The following FBXL2 variants were observed in gnomAD, a reference collection of about 807,000 sequenced individuals.
FBXL2 encodes the protein F-box/LRR-repeat protein 2.
Under a neutral mutation model 69.2 loss-of-function variants are expected in FBXL2, and 38 were observed. The observed-to-expected ratio is 0.55, with a 90% CI of 0.42 to 0.72. FBXL2 has a LOEUF of 0.72. FBXL2 is among the 30% of genes least tolerant of loss of function. FBXL2 has a pLI of 0.00. For missense variants in FBXL2, 354 were observed against 520.3 expected (o/e 0.68, Z 3.11); for synonymous variants, 192 against 201.3 (o/e 0.95, Z 0.39).
chr3:33,366,704 C>G (rs1280565690), intron 5 of FBXL2, among the ~76,000 whole-genome samples: 1 of 152,114 alleles, frequency 6.6e-6, no homozygotes, highest in Non-Finnish European at 1.5e-5. Context: ...GTGGCTCATG[C>G]CTGTAATCCC....
At chr3:33,283,982 A>C (rs953443648) in intron 1 of FBXL2, among the ~76,000 whole-genome samples, 1 of 151,974 alleles carries the variant, frequency 6.6e-6, no homozygotes, top group Non-Finnish European at 1.5e-5. Flanking sequence ...AATTTTGTTG[A>C]TCTTTTCAAA....
chr3:33,396,779 C>A (rs1017927248), intron 12 of FBXL2: 1 of 624,374 alleles, frequency 1.6e-6, no homozygotes, highest in Non-Finnish European at 3.0e-6. Flanking sequence ...GGCAACAAAC[C>A]CAGTCGTCTT....
intron 2 of FBXL2, among the ~76,000 whole-genome samples, chr3:33,341,994 TTTTC>T (rs1036741538): frequency 3.2e-4 from 48 of 148,288 alleles, no homozygotes; most frequent in African/African-American, 9.6e-4. Context: ...TTTTCCTTTC[TTTTC>T]TTTATCTTTT....
At chr3:33,331,116 G>A (rs1421167641) in intron 2 of FBXL2, among the ~76,000 whole-genome samples, 1 of 151,760 alleles carries the variant, frequency 6.6e-6, no homozygotes, top group Admixed American at 6.6e-5. Flanking sequence ...GAAGTACAGG[G>A]TAGTTGATAT....
At chr3:33,303,182 A>G (rs1217734653) in intron 2 of FBXL2, 1 of 456,462 alleles carries the variant, frequency 2.2e-6, no homozygotes, top group Admixed American at 2.3e-5. Context: ...TTTTGGGGGT[A>G]CATGCTTCAA....
At chr3:33,339,512 A>G (rs998584641) in intron 2 of FBXL2, among the ~76,000 whole-genome samples, 1 of 152,234 alleles carries the variant, frequency 6.6e-6, no homozygotes, top group Non-Finnish European at 1.5e-5. Flanking sequence ...GCATATGTGG[A>G]CACAGAAAAG....
At chr3:33,373,376 T>A in intron 7 of FBXL2, 21 bp downstream of exon 7, 1 of 1,578,704 alleles carries the variant, frequency 6.3e-7, no homozygotes, top group South Asian at 1.1e-5. Flanking sequence ...CCATTGTTTG[T>A]GTCAAGAGAA....
At chr3:33,317,754 G>T (rs564567108) in intron 2 of FBXL2, 2 of 263,150 alleles carry the variant, frequency 7.6e-6, no homozygotes, top group African/African-American at 4.5e-5. Flanking sequence ...ATCTGAAGTG[G>T]ATGTTAGGGA....
the FBXL2 span, chr3:33,409,194 ACC>A: frequency 5.7e-6 from 9 of 1,585,572 alleles, no homozygotes; most frequent in African/African-American, 9.5e-5. Flanking sequence ...CTAATATGCA[ACC>A]TTTGCTTCTC....
intron 12 of FBXL2, among the ~76,000 whole-genome samples, chr3:33,394,761 C>A (rs1205215411): frequency 6.7e-6 from 1 of 150,194 alleles, no homozygotes; most frequent in African/African-American, 2.4e-5. Flanking sequence ...TAGAAATGAT[C>A]TAGAGCAGGT....
chr3:33,339,909 A>G (rs1274255425), intron 2 of FBXL2, among the ~76,000 whole-genome samples: 1 of 152,378 alleles, frequency 6.6e-6, no homozygotes, highest in East Asian at 1.9e-4. Flanking sequence ...ATGGAAAAAT[A>G]AATTGTAGTA....
intron 2 of FBXL2, among the ~76,000 whole-genome samples, chr3:33,315,858 G>C (rs1034496601): frequency 6.6e-6 from 1 of 151,838 alleles, no homozygotes; most frequent in Admixed American, 6.6e-5. Flanking sequence ...ACTTTGCATG[G>C]GATTTGTGAA....
chr3:33,340,549 C>T (rs1050011339), intron 2 of FBXL2, among the ~76,000 whole-genome samples: 5 of 148,214 alleles, frequency 3.4e-5, no homozygotes, highest in African/African-American at 1.2e-4. Flanking sequence ...GAAGAGCCTC[C>T]CCCTGGCCAA....
the FBXL2 span, chr3:33,416,107 G>A: frequency 1.3e-5 from 2 of 152,248 alleles, no homozygotes; most frequent in Non-Finnish European, 2.9e-5. Context: ...CACTCTGTGG[G>A]AAGATGGAAG....
chr3:33,332,467 G>A (rs954227676), intron 2 of FBXL2, among the ~76,000 whole-genome samples: 2 of 152,192 alleles, frequency 1.3e-5, no homozygotes, highest in Non-Finnish European at 2.9e-5. Context: ...AACAGTACTT[G>A]TACACAAATA....
At chr3:33,396,601 T>C in intron 12 of FBXL2, 4 of 404,974 alleles carry the variant, frequency 9.9e-6, no homozygotes, top group Middle Eastern at 4.5e-4. Flanking sequence ...ACCACAAGTA[T>C]AGAAAGAGCA....
At chr3:33,398,243 A>G (rs1313271103) in intron 12 of FBXL2, 2 of 152,238 alleles carry the variant, frequency 1.3e-5, no homozygotes, top group Non-Finnish European at 2.9e-5. Context: ...GTAGAAGATA[A>G]TGGAGTCATC....
At chr3:33,326,349 A>G (rs1446742513) in intron 2 of FBXL2, among the ~76,000 whole-genome samples, 1 of 152,020 alleles carries the variant, frequency 6.6e-6, no homozygotes, top group African/African-American at 2.4e-5. Flanking sequence ...AAATACAAAA[A>G]AAAATTAGCC....
chr3:33,375,477 G>T, intron 10 of FBXL2, 59 bp downstream of exon 10: 2 of 1,587,902 alleles, frequency 1.3e-6, no homozygotes, highest in Non-Finnish European at 8.6e-7. Flanking sequence ...AACCAAGAGG[G>T]CTTCCTTCAG....
Sources: gnomAD v4.1 joint callset for allele counts (sites outside exome capture counted in the v4.1 genomes callset) on GRCh38, gnomAD v4.1.1 for gene constraint, MANE v1.5 for transcripts, NCBI Gene and HGNC (gene_info 2026-07-23, HGNC 2026-07-21) for gene names.